Variants in TANC2 observed in about 807,000 individuals in gnomAD.
TANC2 encodes the protein protein TANC2.
In TANC2, 26 loss-of-function variants were observed where a neutral mutation model predicts 210.5. The ratio of observed to expected loss-of-function variants is 0.12; its 90% CI spans 0.09 to 0.17. The LOEUF (loss-of-function observed/expected upper bound fraction) is 0.17, where lower values mean the gene tolerates loss of function less well. Ranked by LOEUF, TANC2 falls within the 10% of genes least tolerant of loss-of-function variation. TANC2 has a pLI of 1.00. For missense variants in TANC2, 2,129 were observed against 2,608.9 expected, an observed-to-expected ratio of 0.82 and a Z score of 4.01; for synonymous variants, 931 against 967.1, an observed-to-expected ratio of 0.96 and a Z score of 0.69.
chr17:63,078,362 A>G (rs1381048209), intron 3 of TANC2, among the ~76,000 whole-genome samples: 1 of 152,044 alleles, frequency 6.6e-6, no homozygotes, highest in Non-Finnish European at 1.5e-5. Context: ...CATCTCAGAG[A>G]ATCAGTTTTG....
intron 9 of TANC2, among the ~76,000 whole-genome samples, chr17:63,291,174 C>T (rs2044372272): frequency 6.6e-6 from 1 of 152,170 alleles, no homozygotes; most frequent in South Asian, 2.1e-4. Context: ...AATGGTTTTT[C>T]TTCCCTCTCG....
chr17:63,390,994 A>C (rs1057407361), intron 17 of TANC2: 5 of 152,158 alleles, frequency 3.3e-5, no homozygotes, highest in African/African-American at 1.2e-4. Flanking sequence ...ATCAGTTCTT[A>C]CGTACGCTCA....
intron 7 of TANC2, among the ~76,000 whole-genome samples, chr17:63,215,973 A>G (rs1320063409): frequency 6.6e-6 from 1 of 151,956 alleles, no homozygotes; most frequent in African/African-American, 2.4e-5. Context: ...GGATGGTCTC[A>G]ATCTCCTGAC....
intron 2 of TANC2, among the ~76,000 whole-genome samples, chr17:63,058,663 A>G (rs1271832925): frequency 6.6e-6 from 1 of 152,130 alleles, no homozygotes; most frequent in Non-Finnish European, 1.5e-5. Flanking sequence ...TCTCAGCACC[A>G]ATTATTGAAT....
chr17:63,201,650 T>G (rs2041539441), intron 7 of TANC2, among the ~76,000 whole-genome samples: 1 of 150,184 alleles, frequency 6.7e-6, no homozygotes, highest in African/African-American at 2.5e-5. Flanking sequence ...CCAAAGATCC[T>G]AGTTGACTAC....
At chr17:63,356,533 C>G (rs1000715159) in intron 14 of TANC2, among the ~76,000 whole-genome samples, 3 of 152,168 alleles carry the variant, frequency 2.0e-5, no homozygotes, top group African/African-American at 7.2e-5. Context: ...GTACTGTGGG[C>G]ATGCTGCTCA....
rs2144898849 is a variant in TANC2, at chr17:63,099,040, A to G, written c.140-135A>G. 4 of 842,734 alleles carry G rather than the reference A, an allele frequency of 4.7e-6. No individual in the cohort carries two copies. The South Asian group carries it at 6.5e-5, about 14-fold the overall frequency. The allele number at this position is 842,734 out of a possible 1,614,324, so 52.2% of individuals were successfully genotyped here. On this transcript the variant is annotated intron_variant, in intron 3 of 27. Coordinates refer to ENST00000689528, the Ensembl canonical transcript of TANC2. Reference sequence around the variant, plus strand: ...TGAGTACATAGTAAGTGTAGAAATGAATGCATGTAGTGAAAATACTTTGAT... The same window carrying G: ...TGAGTACATAGTAAGTGTAGAAATGGATGCATGTAGTGAAAATACTTTGAT...
intron 4 of TANC2, among the ~76,000 whole-genome samples, chr17:63,127,007 C>T (rs772865595): frequency 2.6e-5 from 4 of 152,152 alleles, no homozygotes; most frequent in Non-Finnish European, 5.9e-5. Context: ...TTACCTAAGC[C>T]TGAGGCTGGG....
intron 1 of TANC2, among the ~76,000 whole-genome samples, chr17:62,998,191 T>G (rs1463900998): frequency 6.6e-6 from 1 of 152,150 alleles, no homozygotes; most frequent in African/African-American, 2.4e-5. Flanking sequence ...AGACCAGTTC[T>G]CTGAAATAAC....
At chr17:63,098,459 CACACACACACACACACACA>C (rs2037477294) in intron 3 of TANC2, among the ~76,000 whole-genome samples, 1 of 60,540 alleles carries the variant, frequency 1.7e-5, no homozygotes, top group African/African-American at 5.6e-5. Flanking sequence ...CACACACACA[CACACACACACACACACACA>C]CATACACTCT....
intron 9 of TANC2, among the ~76,000 whole-genome samples, chr17:63,275,448 G>A (rs1475679781): frequency 6.6e-6 from 1 of 152,038 alleles, no homozygotes; most frequent in Non-Finnish European, 1.5e-5. Flanking sequence ...TCAAATCTGT[G>A]CTTCACACCA....
chr17:63,160,246 G>C (rs1207488784), intron 5 of TANC2, among the ~76,000 whole-genome samples: 3 of 152,288 alleles, frequency 2.0e-5, no homozygotes, highest in East Asian at 3.9e-4. Context: ...TACTTTTAAA[G>C]TAAAGGCGAT....
intron 2 of TANC2, among the ~76,000 whole-genome samples, chr17:63,016,636 A>G (rs2034122452): frequency 6.6e-6 from 1 of 152,136 alleles, no homozygotes; most frequent in Admixed American, 6.5e-5. Flanking sequence ...TGATGAATTA[A>G]CTGTTTTCCA....
At chr17:63,057,415 AT>A (rs879623588) in intron 2 of TANC2, among the ~76,000 whole-genome samples, 22 of 152,110 alleles carry the variant, frequency 1.4e-4, no homozygotes, top group Non-Finnish European at 2.1e-4. Flanking sequence ...GGACTTTATA[AT>A]TTTTTTCTTT....
chr17:63,169,862 A>T (rs952153770), intron 5 of TANC2, among the ~76,000 whole-genome samples: 5 of 151,840 alleles, frequency 3.3e-5, no homozygotes, highest in Non-Finnish European at 7.4e-5. Flanking sequence ...GCAGGTGCGG[A>T]GGCTCACGCC....
intron 14 of TANC2, among the ~76,000 whole-genome samples, chr17:63,375,398 C>T (rs1567965013): frequency 1.3e-5 from 2 of 152,210 alleles, no homozygotes; most frequent in Non-Finnish European, 2.9e-5. Flanking sequence ...AGACATCTCA[C>T]CAGCATTTCT....
chr17:63,317,636 A>G (rs935744613), intron 10 of TANC2, among the ~76,000 whole-genome samples: 2 of 152,250 alleles, frequency 1.3e-5, no homozygotes, highest in African/African-American at 4.8e-5. Flanking sequence ...GACATTTGCC[A>G]ACAGCTGCCA....
At chr17:63,396,589 T>C (rs1011578536) in intron 18 of TANC2, 1 of 152,340 alleles carries the variant, frequency 6.6e-6, no homozygotes, top group Non-Finnish European at 1.5e-5. Flanking sequence ...TGCATACGTT[T>C]ATTATAAATT....
At chr17:63,016,621 C>G (rs893032734) in intron 2 of TANC2, among the ~76,000 whole-genome samples, 9 of 152,098 alleles carry the variant, frequency 5.9e-5, no homozygotes, top group African/African-American at 2.2e-4. Context: ...TTATGTTTAA[C>G]TTTTTGATGA....
Sources: allele counts gnomAD v4.1 joint callset (sites outside exome capture counted in the v4.1 genomes callset), GRCh38; gene constraint gnomAD v4.1.1; transcripts MANE v1.5; gene names NCBI Gene and HGNC (gene_info 2026-07-23, HGNC 2026-07-21).